The following FGFR1 variants were observed in gnomAD, a reference collection of about 807,000 sequenced individuals.
The protein encoded by FGFR1 is FGFR1/PLAG1 fusion.
A neutral mutation model predicts 93.7 loss-of-function variants in FGFR1; 18 were observed. That is an observed-to-expected ratio of 0.19 (90% CI 0.13 to 0.28). FGFR1 has a LOEUF of 0.28. Ranked by LOEUF, FGFR1 falls within the 10% of genes least tolerant of loss-of-function variation. The pLI is 1.00. For synonymous variants in FGFR1, 448 were observed against 429.3 expected, an observed-to-expected ratio of 1.04 and a Z score of -0.54; for missense variants, 731 against 1,080.4, an observed-to-expected ratio of 0.68 and a Z score of 4.53.
intron 1 of FGFR1, among the ~76,000 whole-genome samples, chr8:38,458,028 T>G (rs1228230022): frequency 6.6e-6 from 1 of 152,064 alleles, no homozygotes; most frequent in Admixed American, 6.5e-5. Flanking sequence ...GATGCTTTAG[T>G]TCAATTCTAC....
chr8:38,457,230 T>G (rs13276146), intron 2 of FGFR1, 126 bp downstream of exon 2: 127 of 1,051,688 alleles, frequency 1.2e-4, no homozygotes, highest in Non-Finnish European at 1.6e-4. Flanking sequence ...AGGAAGGGAG[T>G]TCTTTGCTCC....
chr8:38,423,257 C>A, intron 7 of FGFR1: 1 of 742,516 alleles, frequency 1.3e-6, no homozygotes, highest in Admixed American at 1.9e-5. Context: ...AACTTTCAGG[C>A]AGGCCCAGGG....
chr8:38,466,260 G>C (rs768157724), intron 1 of FGFR1: 49 of 232,434 alleles, frequency 2.1e-4, no homozygotes, highest in Admixed American at 1.2e-3. Flanking sequence ...GCTCCGGGAG[G>C]GGCGCGTGAC....
At chr8:38,454,940 ATC>A (rs1452850268) in intron 2 of FGFR1, among the ~76,000 whole-genome samples, 1 of 149,502 alleles carries the variant, frequency 6.7e-6, no homozygotes, top group African/African-American at 2.5e-5. Flanking sequence ...GTTTCCCAGC[ATC>A]TACCCATTTA....
chr8:38,454,248 A>G (rs1264755461), intron 2 of FGFR1, among the ~76,000 whole-genome samples: 1 of 150,252 alleles, frequency 6.7e-6, no homozygotes, highest in African/African-American at 2.5e-5. Context: ...CCTTATACTC[A>G]TCCCGTCGGG....
chr8:38,428,393 G>A lies in FGFR1; in HGVS notation c.401C>T (p.Ser134Phe), dbSNP rs760116083. ...ATCTGTTTCTTTCTCCTCTGAAGAG[G>A]AGTCATCATCATCATCATCATCCTC... ...SSEDDDDDDD[S>F]SSEEKETDNT... The change falls in exon 4 of 18, where the codon TCC becomes TTC. Residue 134 changes from serine (S) to phenylalanine (F), a missense_variant. This residue lies in a region of FGFR1 where 212 missense variants were observed against 205.8 expected (regional missense o/e 1.03). Transcript: ENST00000447712. 5 of 1,614,004 alleles carry A rather than the reference G, an allele frequency of 3.1e-6. No individual in the cohort carries two copies. Among genetic ancestry groups the A allele is most frequent in the Non-Finnish European group, 3.4e-6 (4 of 1,180,014 alleles).
rs1302291926 is a variant in FGFR1 at position 38,421,948 on chromosome 8, G to A, written c.937-7C>T. ...TGGTATTAACTCCAGCAGTCTAGAA[G>A]AGACAACGGAAGCAAAATGGACAAG... On this transcript the variant is annotated splice_region_variant and splice_polypyrimidine_tract_variant and intron_variant, in intron 7 of 17. Transcript: ENST00000447712. The A allele has an allele frequency of 2.5e-6, 4 of 1,613,992 alleles. No individual in the cohort carries two copies.
chr8:38,418,131 C>A (rs1008809376), intron 10 of FGFR1, 97 bp downstream of exon 10: 26 of 1,607,424 alleles, frequency 1.6e-5, no homozygotes, highest in African/African-American at 4.0e-5. Context: ...ATTTCATGAA[C>A]CTTCACCGCC....
intron 1 of FGFR1, among the ~76,000 whole-genome samples, chr8:38,467,136 A>C (rs964229142): frequency 5.3e-5 from 8 of 151,282 alleles, no homozygotes; most frequent in Non-Finnish European, 1.2e-4. Context: ...CCCTTCCCCC[A>C]CCTCTAGGAA....
At chr8:38,433,834 G>A (rs181420625) in intron 2 of FGFR1, among the ~76,000 whole-genome samples, 6 of 152,118 alleles carry the variant, frequency 3.9e-5, no homozygotes, top group Admixed American at 3.9e-4. Flanking sequence ...TATATTCAGA[G>A]TTGTGCAATC....
chr8:38,440,676 TC>T (rs1827118848), intron 2 of FGFR1, among the ~76,000 whole-genome samples: 1 of 151,330 alleles, frequency 6.6e-6, no homozygotes, highest in Non-Finnish European at 1.5e-5. Flanking sequence ...ATGTAAAAAC[TC>T]CACATTCAGC....
chr8:38,461,061 G>T, intron 1 of FGFR1: 1 of 1,535,638 alleles, frequency 6.5e-7, no homozygotes, highest in South Asian at 1.2e-5. Flanking sequence ...GCACATCTCA[G>T]TTTCCCACTC....
chr8:38,429,336 G>T lies in FGFR1; in HGVS notation c.358+346C>A, dbSNP rs17175870. The stretch of plus-strand genomic sequence containing the variant: ...AGTACCAAGTCCAAATGGCAAGGGA[G>T]TGATGGAGTGGAAGCTGGCCGAGCA... On this transcript the variant is annotated intron_variant, in intron 3 of 17. Coordinates refer to ENST00000447712, the MANE Select transcript of FGFR1 (RefSeq NM_023110.3). This position sits in a 1 kb window ranked among gnomAD's most constrained non-coding sequence, Gnocchi z 4.4. The T allele has an allele frequency of 1.5e-4, 91 of 597,916 alleles. No homozygotes were observed. The highest frequency in any genetic ancestry group is 1.2e-3 in the Admixed American group (62 of 53,452). 37.0% of individuals were successfully genotyped at this position (597,916 alleles called of 1,614,324 possible).
At chr8:38,420,001 C>T in intron 8 of FGFR1, 3 of 483,142 alleles carry the variant, frequency 6.2e-6, no homozygotes, top group Non-Finnish European at 1.1e-5. Context: ...TTCATTAATT[C>T]CTGAGCCTCC....
intron 1 of FGFR1, chr8:38,466,143 A>AC (rs1011443158): frequency 5.2e-5 from 12 of 232,050 alleles, no homozygotes; most frequent in African/African-American, 2.6e-4. Flanking sequence ...ACGGTAAAAC[A>AC]CCCCACTTTA....
intron 1 of FGFR1, among the ~76,000 whole-genome samples, chr8:38,462,616 CTTTCTTTT>C (rs1834654955): frequency 6.6e-6 from 1 of 151,794 alleles, no homozygotes; most frequent in Admixed American, 6.6e-5. Flanking sequence ...TTCTTTCTTC[CTTTCTTTT>C]TTTCTTTGAG....
chr8:38,419,896 G>T, intron 8 of FGFR1, 161 bp from the exon 9 acceptor site: 1 of 631,612 alleles, frequency 1.6e-6, no homozygotes, highest in Non-Finnish European at 2.8e-6. Context: ...GCACTAGGAG[G>T]ATCAGGCAAC....
chr8:38,431,854 C>T lies in FGFR1; in HGVS notation c.92-1906G>A, dbSNP rs141286964. The stretch of plus-strand genomic sequence containing the variant: ...CTGATTAAAAATAAGCTTTTGTGGG[C>T]CTTAGAAAAAGTTATTCTTTCCATT... On this transcript the variant is annotated intron_variant, in intron 2 of 17. Transcript: ENST00000447712. Among the ~76,000 whole-genome samples the T allele has an allele frequency of 2.2e-3, 337 of 152,242 alleles. 2 individuals carry two copies. The highest frequency in any genetic ancestry group is 7.4e-3 in the African/African-American group (309 of 41,542).
intron 2 of FGFR1, chr8:38,434,336 T>TA (rs1824426444): frequency 1.0e-5 from 2 of 198,984 alleles, no homozygotes; most frequent in African/African-American, 4.7e-5. Flanking sequence ...CTGCTTTTTT[T>TA]TTTTTTTTTT....
Sources: allele counts gnomAD v4.1 joint callset (sites outside exome capture counted in the v4.1 genomes callset), GRCh38; gene constraint gnomAD v4.1.1; regional missense constraint gnomAD v4.1.1; non-coding constraint Gnocchi (gnomAD v3.1); transcripts MANE v1.5; gene names NCBI Gene and HGNC (gene_info 2026-07-23, HGNC 2026-07-21).